ESPN: variants seen among roughly 807,000 people sequenced by gnomAD.
The protein encoded by ESPN is espin.
Under a neutral mutation model 77.7 loss-of-function variants are expected in ESPN, and 68 were observed. The ratio of observed to expected loss-of-function variants is 0.87; its 90% CI spans 0.72 to 1.07. The LOEUF (loss-of-function observed/expected upper bound fraction) is 1.07. Ranked by LOEUF, ESPN falls within the 50% of genes least tolerant of loss-of-function variation. The pLI is 0.00. For missense variants in ESPN, 1,060 were observed against 1,239.0 expected (o/e 0.86, Z 2.17); for synonymous variants, 449 against 567.1 (o/e 0.79, Z 2.96).
Position 6,450,367 on chromosome 1 carries a change from G to A in ESPN, c.1916-1236G>A. 1 of 524,976 alleles carries A rather than the reference G, an allele frequency of 1.9e-6. No individual in the cohort carries two copies. The highest frequency in any genetic ancestry group is 2.4e-6 in the Non-Finnish European group (1 of 409,038). 32.5% of individuals were successfully genotyped at this position (524,976 alleles called of 1,614,324 possible). The stretch of plus-strand genomic sequence containing the variant: ...GCCCGCTCTCCCTGGCCCGCTCCCT[G>A]TCCCCTGCTGTCCCAGTCTCATCCT... On this transcript the variant is annotated intron_variant, in intron 8 of 12. Coordinates refer to ENST00000645284, the MANE Select transcript of ESPN (RefSeq NM_031475.3). The surrounding 1 kb of genome is among the most constrained non-coding windows in gnomAD (Gnocchi z 4.3).
intron 5 of ESPN, among the ~76,000 whole-genome samples, chr1:6,441,798 T>G (rs1444695618): frequency 3.9e-5 from 6 of 152,126 alleles, no homozygotes; most frequent in Admixed American, 2.6e-4. Context: ...GGCTGTGCAA[T>G]GAGGCCCGGA....
chr1:6,445,518 G>T (rs1422898431), intron 6 of ESPN, 146 bp from the exon 7 acceptor site: 4 of 892,610 alleles, frequency 4.5e-6, no homozygotes, highest in Non-Finnish European at 1.8e-6. Flanking sequence ...GCCCAGCACC[G>T]CCAGGGGCCA....
Position 6,425,059 on chromosome 1 carries a change from TG to T in ESPN, c.106del (p.Asp36ThrfsTer85). The T allele has an allele frequency of 6.8e-7, 1 of 1,471,876 alleles. No homozygotes were observed. 91.2% of individuals were successfully genotyped at this position (1,471,876 alleles called of 1,614,324 possible). A position where few individuals can be genotyped will look rare whatever the true frequency, so the allele number is the denominator to read the frequency against. On this transcript the variant is annotated frameshift_variant, in exon 1 of 13. Coordinates refer to ENST00000645284, the MANE Select transcript of ESPN (RefSeq NM_031475.3). LOFTEE classifies it high-confidence loss of function. ...GLLGPSLRDP[L>X]DALPVHHAAR... Reference sequence around the variant, plus strand: ...CTGGGGCCCTCGCTGCGCGACCCGCTGGACGCGCTGCCCGTGCACCACGCGG... The same window carrying T: ...CTGGGGCCCTCGCTGCGCGACCCGCTGACGCGCTGCCCGTGCACCACGCGG...
chr1:6,440,611 G>A lies in ESPN; in HGVS notation c.676-15G>A. On this transcript the variant is annotated splice_polypyrimidine_tract_variant and intron_variant, in intron 3 of 12. Transcript: ENST00000645284. Reference sequence around the variant, plus strand: ...GCCCAGCCCCCGCCCCCCTCTCCCCGCCCGTCCCGCCCAGGTGAGCTGCAC... The same window carrying A: ...GCCCAGCCCCCGCCCCCCTCTCCCCACCCGTCCCGCCCAGGTGAGCTGCAC... 5.9e-6 allele frequency: 4 copies of A among 677,128 alleles called. No homozygotes were observed. The highest frequency in any genetic ancestry group is 1.8e-5 in the South Asian group (1 of 54,872). The allele number at this position is 677,128 out of a possible 1,614,324, so 41.9% of individuals were successfully genotyped here.
At position 6,425,058 on chromosome 1, in the gene ESPN, C is replaced by T. The variant is rs1024918977; in HGVS notation, c.103C>T (p.Leu35=). The part of the protein sequence containing the change: ...GLLGPSLRDP[L]DALPVHHAAR... The stretch of plus-strand genomic sequence containing the variant: ...CCTGGGGCCCTCGCTGCGCGACCCG[C>T]TGGACGCGCTGCCCGTGCACCACGC... The change falls in exon 1 of 13, where the codon CTG becomes TTG. Residue 35 remains leucine (L), a synonymous_variant. Transcript: ENST00000645284. The T allele has an allele frequency of 1.3e-5, 19 of 1,471,724 alleles. No homozygotes were observed. The African/African-American group carries it at 2.2e-4, about 17-fold the overall frequency. The allele number at this position is 1,471,724 out of a possible 1,614,324, so 91.2% of individuals were successfully genotyped here. A position where few individuals can be genotyped will look rare whatever the true frequency, so the allele number is the denominator to read the frequency against.
intron 2 of ESPN, among the ~76,000 whole-genome samples, chr1:6,435,472 C>T (rs1189499072): frequency 6.6e-6 from 1 of 152,254 alleles, no homozygotes. Flanking sequence ...TACAGTTCAT[C>T]CATAGCATCT....
Position 6,450,487 on chromosome 1 carries a change from G to A in ESPN, c.1916-1116G>A, listed in dbSNP as rs1357956776. The A allele has an allele frequency of 6.2e-6, 6 of 972,904 alleles. No homozygotes were observed. The highest frequency in any genetic ancestry group is 6.1e-5 in the Admixed American group (1 of 16,268). The allele number at this position is 972,904 out of a possible 1,614,324, so 60.3% of individuals were successfully genotyped here. A position where few individuals can be genotyped will look rare whatever the true frequency, so the allele number is the denominator to read the frequency against. On this transcript the variant is annotated intron_variant, in intron 8 of 12. Coordinates refer to ENST00000645284, the MANE Select transcript of ESPN (RefSeq NM_031475.3). This position sits in a 1 kb window ranked among gnomAD's most constrained non-coding sequence, Gnocchi z 4.3. Reference sequence around the variant, plus strand: ...ACAGGAAGAGTGAGTAGCTGCGTGCGCGGCTCCTGGCTGAGGCTGAGGCGC... The same window carrying A: ...ACAGGAAGAGTGAGTAGCTGCGTGCACGGCTCCTGGCTGAGGCTGAGGCGC...
chr1:6,455,663 C>T (rs1446082894), intron 10 of ESPN: 5 of 399,078 alleles, frequency 1.3e-5, no homozygotes, highest in Admixed American at 4.4e-5. Context: ...TCGGCTACTT[C>T]CAGCTACTCG....
intron 12 of ESPN, among the ~76,000 whole-genome samples, chr1:6,458,783 T>C (rs1188258534): frequency 6.9e-6 from 1 of 145,168 alleles, no homozygotes; most frequent in South Asian, 2.2e-4. Flanking sequence ...ATATAAAAAT[T>C]AGGTGGTCGT....
intron 10 of ESPN, chr1:6,455,771 C>T: frequency 2.5e-6 from 1 of 399,004 alleles, no homozygotes; most frequent in East Asian, 3.6e-5. Context: ...GCATCCGCCT[C>T]TTCCACCGCG....
chr1:6,426,249 T>C (rs1257639479), intron 1 of ESPN, among the ~76,000 whole-genome samples: 1 of 152,166 alleles, frequency 6.6e-6, no homozygotes, highest in Non-Finnish European at 1.5e-5. Context: ...TTCCCACCCT[T>C]CCTGGGAGAT....
chr1:6,449,037 C>T lies in ESPN; in HGVS notation c.1861C>T (p.Leu621Phe), dbSNP rs1557712476. ...SSPPPAPPLP[L>F]ESAGPGCGQR... is the part of the protein sequence containing the mutation. ...GCCACCGCCGGCCCCGCCTCTGCCC[C>T]TCGAGAGCGCTGGCCCTGGCTGCGG... is the stretch of plus-strand genomic sequence containing the variant. Residue 621 changes from leucine (L) to phenylalanine (F), a missense_variant, in exon 8 of 13, where the codon CTC becomes TTC. By Grantham distance (22) the Leu-to-Phe change is conservative. This residue lies in a region of ESPN where 374 missense variants were observed against 381.4 expected (regional missense o/e 0.98). Coordinates refer to ENST00000645284, the MANE Select transcript of ESPN (RefSeq NM_031475.3). 3 of 1,482,196 alleles carry T rather than the reference C, an allele frequency of 2.0e-6. No homozygotes were observed. The highest frequency in any genetic ancestry group is 5.8e-5 in the East Asian group (2 of 34,672). 91.8% of individuals were successfully genotyped at this position (1,482,196 alleles called of 1,614,324 possible).
In ESPN at chr1:6,425,085, G is replaced by T; in HGVS notation, c.130G>T (p.Ala44Ser). The T allele has an allele frequency of 1.3e-6, 2 of 1,488,930 alleles. No homozygotes were observed. The highest frequency in any genetic ancestry group is 1.8e-6 in the Non-Finnish European group (2 of 1,127,596). The allele number at this position is 1,488,930 out of a possible 1,614,324, so 92.2% of individuals were successfully genotyped here. ...PLDALPVHHA[A>S]RAGKLHCLRF... ...GGACGCGCTGCCCGTGCACCACGCGGCCCGCGCTGGGAAGCTGCACTGTCT... is the reference window on the plus strand; with the variant it reads ...GGACGCGCTGCCCGTGCACCACGCGTCCCGCGCTGGGAAGCTGCACTGTCT... Residue 44 changes from alanine to serine, a missense_variant, in exon 1 of 13, where the codon GCC (alanine) becomes TCC (serine). By Grantham distance (99) the Ala-to-Ser change is moderately conservative. This residue lies in a region of ESPN where 556 missense variants were observed against 633.6 expected (regional missense o/e 0.88). Transcript: ENST00000645284.
chr1:6,424,831 C>A lies in ESPN; in HGVS notation c.-125C>A. The stretch of plus-strand genomic sequence containing the variant: ...GCGGAGCGGAGGCCAGGCCCACAGC[C>A]GCTCCGCCTCCCGGCCCGCAGATCC... On this transcript the variant is annotated 5_prime_UTR_variant, in exon 1 of 13. Transcript: ENST00000645284. 1 of 1,013,808 alleles carries A rather than the reference C, an allele frequency of 9.9e-7. No individual in the cohort carries two copies. Among genetic ancestry groups the A allele is most frequent in the Non-Finnish European group, 1.3e-6 (1 of 780,492 alleles). The allele number at this position is 1,013,808 out of a possible 1,614,324, so 62.8% of individuals were successfully genotyped here. A position where few individuals can be genotyped will look rare whatever the true frequency, so the allele number is the denominator to read the frequency against.
intron 12 of ESPN, 63 bp from the exon 13 acceptor site, chr1:6,459,936 T>C: frequency 6.2e-7 from 1 of 1,606,878 alleles, no homozygotes; most frequent in Non-Finnish European, 8.5e-7. Context: ...CCCCACCCTT[T>C]CTGCCAGCCT....
rs1238535812 is a variant in ESPN, at chr1:6,451,854, G to T, written c.2083G>T (p.Val695Leu). 1.2e-6 allele frequency: 2 copies of T among 1,611,734 alleles called. No individual in the cohort carries two copies. Among genetic ancestry groups the T allele is most frequent in the East Asian group, 2.2e-5 (1 of 44,832 alleles). Residue 695 changes from valine (V) to leucine (L), a missense_variant, in exon 10 of 13, where the codon GTG (valine) becomes TTG (leucine). Val to Leu is a conservative substitution (Grantham distance 32). This residue lies in a region of ESPN where 374 missense variants were observed against 381.4 expected (regional missense o/e 0.98). Transcript: ENST00000645284. The surrounding 1 kb of genome is among the most constrained non-coding windows in gnomAD (Gnocchi z 4.3). ...GCAGCCCGATTCGCCGCTGCCTTCT[G>T]TGTCACCTGCACTGTCACCAGTCCG... ...AFQPDSPLPSVSPALSPVRSP... is the reference protein window; with the variant it reads ...AFQPDSPLPSLSPALSPVRSP...
intron 2 of ESPN, among the ~76,000 whole-genome samples, chr1:6,438,402 G>A (rs1272652292): frequency 1.3e-5 from 2 of 152,254 alleles, no homozygotes; most frequent in Admixed American, 1.3e-4. Flanking sequence ...GATGACAACT[G>A]TTGTCCCCAT....
Position 6,450,559 on chromosome 1 carries a change from C to T in ESPN, c.1916-1044C>T. ...AAAAGCAAGGCAGAAGGGGCCCAGA[C>T]TTGAGGAAAGGGCAGGGGCAGGGGC... On this transcript the variant is annotated intron_variant, in intron 8 of 12. Coordinates refer to ENST00000645284, the MANE Select transcript of ESPN (RefSeq NM_031475.3). This position sits in a 1 kb window ranked among gnomAD's most constrained non-coding sequence, Gnocchi z 4.3. 2.8e-6 allele frequency: 2 copies of T among 707,212 alleles called. No homozygotes were observed. The highest frequency in any genetic ancestry group is 1.4e-3 in the Middle Eastern group (2 of 1,388). The allele number at this position is 707,212 out of a possible 1,614,324, so 43.8% of individuals were successfully genotyped here.
Position 6,460,501 on chromosome 1 carries a change from C to G in ESPN, c.*355C>G, listed in dbSNP as rs557833123. The G allele has an allele frequency of 4.4e-5, 9 of 202,542 alleles. No homozygotes were observed. The South Asian group carries it at 8.3e-4, about 19-fold the overall frequency. 12.5% of individuals were successfully genotyped at this position (202,542 alleles called of 1,614,324 possible). A position where few individuals can be genotyped will look rare whatever the true frequency, so the allele number is the denominator to read the frequency against. ...TTTGTTTTCCTGCGGGGCTCAGCCC[C>G]CTCCAGGATGCAGCCCCCTCCCCCG... On this transcript the variant is annotated 3_prime_UTR_variant, in exon 13 of 13. Transcript: ENST00000645284.
Sources: gnomAD v4.1 joint callset for allele counts (sites outside exome capture counted in the v4.1 genomes callset) on GRCh38, gnomAD v4.1.1 for gene constraint, gnomAD v4.1.1 regional missense constraint, Gnocchi (gnomAD v3.1) non-coding constraint, MANE v1.5 for transcripts, NCBI Gene and HGNC (gene_info 2026-07-23, HGNC 2026-07-21) for gene names.